Variants in CNTNAP5 observed in about 807,000 individuals in gnomAD.
CNTNAP5 encodes contactin associated protein family member 5.
A neutral mutation model predicts 150.2 loss-of-function variants in CNTNAP5; 72 were observed. The observed-to-expected ratio is 0.48, with a 90% CI of 0.40 to 0.58. The LOEUF (loss-of-function observed/expected upper bound fraction) is 0.58. Among genes scored for constraint, CNTNAP5 ranks in the 20% least tolerant of loss-of-function variants. CNTNAP5 has a pLI of 0.00. For synonymous variants in CNTNAP5, 672 were observed against 619.8 expected, an observed-to-expected ratio of 1.08 and a Z score of -1.25; for missense variants, 1,636 against 1,626.2, an observed-to-expected ratio of 1.01 and a Z score of -0.10.
intron 19 of CNTNAP5, among the ~76,000 whole-genome samples, chr2:124,825,041 T>C (rs1014045989): frequency 3.3e-5 from 5 of 152,140 alleles, no homozygotes; most frequent in Non-Finnish European, 7.4e-5. Context: ...TTCTTAACTA[T>C]TGTAAAAATA....
chr2:124,708,998 C>T (rs552699326), intron 13 of CNTNAP5, among the ~76,000 whole-genome samples: 71 of 152,300 alleles, frequency 4.7e-4, no homozygotes, highest in African/African-American at 1.2e-3. Context: ...TCACCGTGCG[C>T]TGTGCTTCAT....
At chr2:124,630,755 G>C (rs906382087) in intron 12 of CNTNAP5, among the ~76,000 whole-genome samples, 1 of 151,958 alleles carries the variant, frequency 6.6e-6, no homozygotes, top group African/African-American at 2.4e-5. Context: ...AGAAATAAAG[G>C]GTATTCAAAT....
At chr2:124,557,783 T>A (rs1421209080) in intron 10 of CNTNAP5, among the ~76,000 whole-genome samples, 2 of 152,000 alleles carry the variant, frequency 1.3e-5, no homozygotes, top group Non-Finnish European at 2.9e-5. Flanking sequence ...TTTGAGAAGG[T>A]GACACTTGAG....
intron 11 of CNTNAP5, among the ~76,000 whole-genome samples, chr2:124,591,325 C>T (rs1315993556): frequency 6.6e-6 from 1 of 152,082 alleles, no homozygotes; most frequent in Non-Finnish European, 1.5e-5. Context: ...TAAGATGTAG[C>T]AAGTCATTTC....
chr2:124,870,491 A>G (rs981997012), intron 21 of CNTNAP5, among the ~76,000 whole-genome samples: 12 of 151,444 alleles, frequency 7.9e-5, no homozygotes, highest in African/African-American at 2.9e-4. Context: ...CTGTCCATCC[A>G]TTTTTTTATA....
At chr2:124,491,205 A>G (rs1000984767) in intron 7 of CNTNAP5, among the ~76,000 whole-genome samples, 2 of 152,040 alleles carry the variant, frequency 1.3e-5, no homozygotes, top group Non-Finnish European at 2.9e-5. Flanking sequence ...CCTTTGATTA[A>G]CATCTCTCCA....
chr2:124,110,462 A>G (rs932677655), intron 1 of CNTNAP5, among the ~76,000 whole-genome samples: 4 of 152,238 alleles, frequency 2.6e-5, no homozygotes, highest in African/African-American at 9.6e-5. Context: ...GCAGCAAAAC[A>G]CATATTCATA....
At chr2:124,795,928 C>T (rs1253378118) in intron 18 of CNTNAP5, among the ~76,000 whole-genome samples, 4 of 151,916 alleles carry the variant, frequency 2.6e-5, no homozygotes, top group Non-Finnish European at 5.9e-5. Flanking sequence ...GCTCGGTGGC[C>T]TTGGAGAATC....
chr2:124,875,376 C>T (rs1350505802), intron 21 of CNTNAP5, among the ~76,000 whole-genome samples: 2 of 152,028 alleles, frequency 1.3e-5, no homozygotes, highest in Non-Finnish European at 2.9e-5. Flanking sequence ...TGATTCAAAT[C>T]TGGGAGTCAA....
intron 16 of CNTNAP5, among the ~76,000 whole-genome samples, chr2:124,766,176 G>T (rs767498408): frequency 2.0e-5 from 3 of 151,850 alleles, no homozygotes; most frequent in African/African-American, 7.3e-5. Context: ...GCTTATAGAT[G>T]GGGTAGGCTG....
intron 3 of CNTNAP5, among the ~76,000 whole-genome samples, chr2:124,400,666 A>ATTTTTTT (rs1573967848): frequency 1.2e-5 from 1 of 80,530 alleles, no homozygotes; most frequent in Non-Finnish European, 2.5e-5. Flanking sequence ...GGATAAAGGC[A>ATTTTTTT]TTGTTTTTTT....
intron 13 of CNTNAP5, among the ~76,000 whole-genome samples, chr2:124,707,423 T>C (rs1679714837): frequency 6.6e-6 from 1 of 152,238 alleles, no homozygotes; most frequent in African/African-American, 2.4e-5. Context: ...AAAATACCTC[T>C]AGAAAGTGTG....
chr2:124,648,067 C>T, intron 13 of CNTNAP5, 109 bp downstream of exon 13: 1 of 943,288 alleles, frequency 1.1e-6, no homozygotes. Flanking sequence ...CAGTTAGTCA[C>T]TGTGCACTCG....
At chr2:124,700,368 G>A (rs879891000) in intron 13 of CNTNAP5, among the ~76,000 whole-genome samples, 8 of 152,106 alleles carry the variant, frequency 5.3e-5, no homozygotes, top group African/African-American at 1.4e-4. Context: ...TTTCTTGAGT[G>A]CATACCTAGG....
intron 1 of CNTNAP5, among the ~76,000 whole-genome samples, chr2:124,191,570 T>C (rs1573823232): frequency 6.6e-6 from 1 of 152,280 alleles, no homozygotes; most frequent in East Asian, 1.9e-4. Context: ...TTAGGTTAGA[T>C]GACAGAGGCA....
intron 3 of CNTNAP5, among the ~76,000 whole-genome samples, chr2:124,389,137 G>T (rs763833848): frequency 2.6e-5 from 4 of 152,080 alleles, no homozygotes; most frequent in Non-Finnish European, 5.9e-5. Context: ...AAACAAACAA[G>T]CAAACAGAAA....
intron 3 of CNTNAP5, among the ~76,000 whole-genome samples, chr2:124,304,954 A>G (rs1365973372): frequency 2.0e-5 from 3 of 152,028 alleles, no homozygotes; most frequent in Admixed American, 6.6e-5. Context: ...TTATCCCAGG[A>G]GTAAACAAAA....
chr2:124,054,681 C>A (rs909544546), intron 1 of CNTNAP5, among the ~76,000 whole-genome samples: 2 of 152,166 alleles, frequency 1.3e-5, no homozygotes, highest in Non-Finnish European at 2.9e-5. Flanking sequence ...ATCTTGGTAA[C>A]CCATGATTAC....
chr2:124,604,113 G>T (rs1485170502), intron 11 of CNTNAP5, among the ~76,000 whole-genome samples: 2 of 152,192 alleles, frequency 1.3e-5, no homozygotes, highest in East Asian at 3.9e-4. Context: ...TTTGCTTCTT[G>T]CACTTTCAGT....
Sources: gnomAD v4.1 joint callset for allele counts (sites outside exome capture counted in the v4.1 genomes callset) on GRCh38, gnomAD v4.1.1 for gene constraint, MANE v1.5 for transcripts, NCBI Gene and HGNC (gene_info 2026-07-23, HGNC 2026-07-21) for gene names.